The following ITGA11 variants were observed in gnomAD, a reference collection of about 807,000 sequenced individuals.
The protein encoded by ITGA11 is integrin subunit alpha 11.
Under a neutral mutation model 141.9 loss-of-function variants are expected in ITGA11, and 97 were observed. The ratio of observed to expected loss-of-function variants is 0.68; its 90% confidence interval spans 0.58 to 0.81. ITGA11 has a LOEUF of 0.81. ITGA11 is among the 30% of genes least tolerant of loss of function. The pLI, the probability that ITGA11 is intolerant of heterozygous loss-of-function variation, is 0.00. For synonymous variants in ITGA11, 658 were observed against 624.6 expected (o/e 1.05, Z -0.80); for missense variants, 1,387 against 1,559.2 (o/e 0.89, Z 1.86).
Position 68,313,772 on chromosome 15 carries a change from G to A in ITGA11, c.2882+7C>T, listed in dbSNP as rs369895403. On this transcript the variant is annotated splice_region_variant and intron_variant, in intron 23 of 29. Coordinates refer to ENST00000315757, the MANE Select transcript of ITGA11 (RefSeq NM_001004439.2). Reference sequence around the variant, plus strand: ...CCCTCTCCTGGGGCCCCCGGAGCCCGGCCCACCTGGTGAAGAGGACGTCAG... The same window carrying A: ...CCCTCTCCTGGGGCCCCCGGAGCCCAGCCCACCTGGTGAAGAGGACGTCAG... The A allele has an allele frequency of 8.7e-6, 14 of 1,612,846 alleles. No homozygotes were observed. Among genetic ancestry groups the A allele is most frequent in the African/African-American group, 2.7e-5 (2 of 74,900 alleles).
At position 68,432,083 on chromosome 15, in the gene ITGA11, G is replaced by T. The variant is rs1595905437; in HGVS notation, c.-17C>A. The T allele has an allele frequency of 2.9e-6, 4 of 1,366,830 alleles. No homozygotes were observed. The highest frequency in any genetic ancestry group is 2.8e-6 in the Non-Finnish European group (3 of 1,062,618). The allele number at this position is 1,366,830 out of a possible 1,614,324, so 84.7% of individuals were successfully genotyped here. A position where few individuals can be genotyped will look rare whatever the true frequency, so the allele number is the denominator to read the frequency against. On this transcript the variant is annotated 5_prime_UTR_variant, in exon 1 of 30. Transcript: ENST00000315757. Reference sequence around the variant, plus strand: ...CAGGTCCATGGCCCGCGGCACGGCGGCTGGGTCCGGTGTGCAGCGGCGGCG... The same window carrying T: ...CAGGTCCATGGCCCGCGGCACGGCGTCTGGGTCCGGTGTGCAGCGGCGGCG...
In ITGA11 at chr15:68,331,893, C is replaced by T. The variant is rs1462587230; in HGVS notation, c.1736G>A (p.Gly579Asp). ...TGTCTTCAGGATGCTGCCTCGGAAG[C>T]CGTGGAAGATGTAGATGGCTCCTGC... ...NHAGAIYIFH[G>D]FRGSILKTPK... The change falls in exon 14 of 30, where the codon GGC (glycine) becomes GAC (aspartate). Residue 579 changes from glycine to aspartate, a missense_variant. Physicochemically the swap from Gly to Asp is moderately conservative, Grantham distance 94. Transcript: ENST00000315757. The T allele has an allele frequency of 6.2e-7, 1 of 1,612,960 alleles. No individual in the cohort carries two copies. Among genetic ancestry groups the T allele is most frequent in the Non-Finnish European group, 8.5e-7 (1 of 1,179,606 alleles).
intron 9 of ITGA11, 30 bp from the exon 10 acceptor site, chr15:68,348,930 TC>T: frequency 6.4e-7 from 1 of 1,573,618 alleles, no homozygotes; most frequent in Non-Finnish European, 8.7e-7. Flanking sequence ...AGATGTCAGC[TC>T]CATGCCCAAT....
intron 6 of ITGA11, 29 bp from the exon 7 acceptor site, chr15:68,357,328 C>T: frequency 6.2e-7 from 1 of 1,600,538 alleles, no homozygotes; most frequent in Non-Finnish European, 8.5e-7. Context: ...GGCAACAGAA[C>T]ATTTTGACCC....
chr15:68,402,366 TTGAAA>T (rs1470078950), intron 2 of ITGA11, among the ~76,000 whole-genome samples: 3 of 152,166 alleles, frequency 2.0e-5, no homozygotes, highest in Admixed American at 6.5e-5. Flanking sequence ...ACTTGGATAC[TTGAAA>T]TGAGTGAGTT....
At chr15:68,430,644 C>T (rs977922636) in intron 1 of ITGA11, among the ~76,000 whole-genome samples, 1 of 152,188 alleles carries the variant, frequency 6.6e-6, no homozygotes, top group African/African-American at 2.4e-5. Flanking sequence ...AAGATTCTCC[C>T]CTCCTGTCTA....
intron 7 of ITGA11, among the ~76,000 whole-genome samples, chr15:68,354,464 A>G (rs920200096): frequency 2.2e-4 from 33 of 152,126 alleles, no homozygotes; most frequent in Admixed American, 1.2e-3. Flanking sequence ...GCTGGTTTTA[A>G]CTACAACATC....
chr15:68,427,374 A>C (rs1262307347), intron 1 of ITGA11, among the ~76,000 whole-genome samples: 1 of 152,172 alleles, frequency 6.6e-6, no homozygotes, highest in Non-Finnish European at 1.5e-5. Flanking sequence ...TATTTTGCCC[A>C]TTTTACAGTT....
intron 7 of ITGA11, 46 bp downstream of exon 7, chr15:68,357,105 G>A (rs1895093347): frequency 4.5e-6 from 7 of 1,567,702 alleles, no homozygotes; most frequent in Non-Finnish European, 6.1e-6. Context: ...AACTACAATA[G>A]CATCTGAGAT....
In ITGA11 at chr15:68,339,712, G is replaced by T. The variant is rs1894501890; in HGVS notation, c.1132-68C>A. 1.2e-5 allele frequency: 19 copies of T among 1,588,238 alleles called. No homozygotes were observed. In the South Asian group the frequency reaches 2.0e-4, roughly 17 times the overall value. The stretch of plus-strand genomic sequence containing the variant: ...GGCCAGTTGCCAGGAGCCACATCAG[G>T]TCCTATGACCAGTGACGCCTCCACC... On this transcript the variant is annotated intron_variant, in intron 10 of 29. Coordinates refer to ENST00000315757, the MANE Select transcript of ITGA11 (RefSeq NM_001004439.2).
intron 15 of ITGA11, 21 bp downstream of exon 15, chr15:68,330,960 G>A (rs776161995): frequency 1.9e-6 from 3 of 1,613,584 alleles, no homozygotes; most frequent in South Asian, 2.2e-5. Context: ...CCCAGGAGGT[G>A]GGAACAGCGG....
intron 1 of ITGA11, among the ~76,000 whole-genome samples, chr15:68,407,686 G>A (rs554263563): frequency 1.3e-5 from 2 of 152,284 alleles, no homozygotes; most frequent in African/African-American, 4.8e-5. Context: ...CCTGTGGGCC[G>A]TGGCCAAAGT....
At position 68,358,997 on chromosome 15, in the gene ITGA11, G is replaced by A. The variant is rs78654519; in HGVS notation, c.473-412C>T. ...TCTGTTTTTAGGAGGGAGATATGATGTCGTGGCTAGAAATGTGGGATGTGG... is the reference window on the plus strand; with the variant it reads ...TCTGTTTTTAGGAGGGAGATATGATATCGTGGCTAGAAATGTGGGATGTGG... On this transcript the variant is annotated intron_variant, in intron 5 of 29. Transcript: ENST00000315757. 5.8e-3 allele frequency among the ~76,000 whole-genome samples: 887 copies of A among 152,324 alleles called. 10 individuals carry two copies. Among genetic ancestry groups the A allele is most frequent in the African/African-American group, 0.02 (841 of 41,560 alleles).
At chr15:68,371,005 T>A (rs886582101) in intron 2 of ITGA11, among the ~76,000 whole-genome samples, 17 of 152,152 alleles carry the variant, frequency 1.1e-4, no homozygotes, top group Non-Finnish European at 2.4e-4. Flanking sequence ...AAATTAAGCG[T>A]CTATGAAATA....
intron 2 of ITGA11, among the ~76,000 whole-genome samples, chr15:68,402,595 T>C (rs976192191): frequency 6.6e-6 from 1 of 151,918 alleles, no homozygotes; most frequent in Admixed American, 6.6e-5. Context: ...CCCCAGCAGC[T>C]CTCCAGGTAG....
At chr15:68,344,831 G>A (rs1177555929) in intron 10 of ITGA11, among the ~76,000 whole-genome samples, 1 of 152,124 alleles carries the variant, frequency 6.6e-6, no homozygotes, top group East Asian at 1.9e-4. Flanking sequence ...GAGTCACCAA[G>A]GTTTCTGCGT....
chr15:68,361,617 A>T lies in ITGA11; in HGVS notation c.445T>A (p.Ser149Thr). ...TGGAGAGCTGGGGCCACGGTCTTGG[A>T]GAACCTGAAGTTGGAGTTGACTCTT... ...CSRVNSNFRF[S>T]KTVAPALQRC... Residue 149 changes from serine to threonine, a missense_variant, in exon 5 of 30, where the codon TCC becomes ACC. Coordinates refer to ENST00000315757, the MANE Select transcript of ITGA11 (RefSeq NM_001004439.2). 6.2e-7 allele frequency: 1 copy of T among 1,608,858 alleles called. No individual in the cohort carries two copies. The highest frequency in any genetic ancestry group is 8.5e-7 in the Non-Finnish European group (1 of 1,177,576).
At chr15:68,406,356 C>G (rs886171509) in intron 1 of ITGA11, among the ~76,000 whole-genome samples, 5 of 152,128 alleles carry the variant, frequency 3.3e-5, no homozygotes, top group East Asian at 1.9e-4. Context: ...ACCCTCTCCT[C>G]CTCCTCTCCT....
intron 1 of ITGA11, among the ~76,000 whole-genome samples, chr15:68,421,850 C>G (rs938085998): frequency 6.6e-6 from 1 of 152,168 alleles, no homozygotes; most frequent in African/African-American, 2.4e-5. Context: ...GAGTTAAGAG[C>G]GGTGATACTC....
Sources: allele counts gnomAD v4.1 joint callset (sites outside exome capture counted in the v4.1 genomes callset), GRCh38; gene constraint gnomAD v4.1.1; transcripts MANE v1.5; gene names NCBI Gene and HGNC (gene_info 2026-07-23, HGNC 2026-07-21).